NAALADL2: variants seen among roughly 807,000 people sequenced by gnomAD.
NAALADL2 encodes inactive N-acetylated-alpha-linked acidic dipeptidase-like protein 2.
Under a neutral mutation model 87.2 loss-of-function variants are expected in NAALADL2, and 76 were observed. That is an observed-to-expected ratio of 0.87 (90% confidence interval 0.72 to 1.05). NAALADL2 has a LOEUF of 1.05. NAALADL2 is among the 50% of genes least tolerant of loss of function. The probability of loss-of-function intolerance (pLI) is 0.00; values close to 1 mark genes in which losing one functional copy is unlikely to be tolerated. For missense variants in NAALADL2, 1,089 were observed against 945.8 expected (o/e 1.15, Z -1.99); for synonymous variants, 354 against 331.0 (o/e 1.07, Z -0.75).
intron 2 of NAALADL2, chr3:175,218,066 A>G (rs936784888): frequency 7.1e-6 from 3 of 422,402 alleles, no homozygotes; most frequent in Non-Finnish European, 1.4e-5. Context: ...TTTTTTGGCT[A>G]AATTTTTAGG....
At chr3:174,876,877 AT>A (rs5854600) in intron 1 of NAALADL2, among the ~76,000 whole-genome samples, 2 of 152,116 alleles carry the variant, frequency 1.3e-5, no homozygotes, top group Non-Finnish European at 2.9e-5. Context: ...ATTTTCCACC[AT>A]TCTGGAAGCT....
intron 1 of NAALADL2, among the ~76,000 whole-genome samples, chr3:175,064,840 C>A (rs1714242665): frequency 1.3e-5 from 2 of 152,136 alleles, no homozygotes. Context: ...GTTTGTAAAA[C>A]TCCAACAAAA....
chr3:175,139,778 C>T (rs1034962159), intron 2 of NAALADL2, among the ~76,000 whole-genome samples: 1 of 152,086 alleles, frequency 6.6e-6, no homozygotes, highest in Non-Finnish European at 1.5e-5. Flanking sequence ...CAGTAAAAAG[C>T]ATTTCTTAAA....
chr3:174,677,160 C>T (rs371798655), intron 2 of NAALADL2, among the ~76,000 whole-genome samples: 4 of 151,984 alleles, frequency 2.6e-5, no homozygotes, highest in Admixed American at 2.6e-4. Context: ...CCAAGTTTGG[C>T]ATTTATAATT....
chr3:174,657,304 C>T (rs1725057681), intron 2 of NAALADL2, among the ~76,000 whole-genome samples: 1 of 151,940 alleles, frequency 6.6e-6, no homozygotes, highest in African/African-American at 2.4e-5. Flanking sequence ...CCTGAGGAAG[C>T]TGCCACTATG....
At chr3:174,654,060 TTGTGTG>T (rs137877260) in intron 2 of NAALADL2, among the ~76,000 whole-genome samples, 28,012 of 143,922 alleles carry the variant, frequency 0.19, 2,843 homozygotes, top group African/African-American at 0.29. Context: ...TAAGATGGCT[TTGTGTG>T]TGTGTGTGTG....
chr3:175,619,273 G>GGAAA (rs143830802), intron 10 of NAALADL2, among the ~76,000 whole-genome samples: 93,446 of 132,648 alleles, frequency 0.7, 31,189 homozygotes, highest in Admixed American at 0.78. Flanking sequence ...GGAAGGAGAA[G>GGAAA]GAAAGAAAGA....
chr3:174,911,576 A>G (rs1169448751), intron 1 of NAALADL2, among the ~76,000 whole-genome samples: 1 of 152,104 alleles, frequency 6.6e-6, no homozygotes, highest in East Asian at 1.9e-4. Flanking sequence ...AGGCAGAGCA[A>G]GACTTCTCCC....
Position 174,883,846 on chromosome 3 carries a change from A to G in NAALADL2, c.43+24396A>G, listed in dbSNP as rs189452336. Among the ~76,000 whole-genome samples, 4 of 152,058 alleles carry G rather than the reference A, an allele frequency of 2.6e-5. No homozygotes were observed. The East Asian group carries it at 7.7e-4, about 29-fold the overall frequency. ...GTCCTGTCTGGATTGGGCTGTTGTAATTTCCCATTGACCTTAAACATAGGG... is the reference window on the plus strand; with the variant it reads ...GTCCTGTCTGGATTGGGCTGTTGTAGTTTCCCATTGACCTTAAACATAGGG... On this transcript the variant is annotated intron_variant, in intron 1 of 13. Coordinates refer to ENST00000454872, the MANE Select transcript of NAALADL2 (RefSeq NM_207015.3).
At position 175,070,218 on chromosome 3, in the gene NAALADL2, TTAAA is replaced by T. The variant is rs542970244; in HGVS notation, c.44-26570_44-26567del. On this transcript the variant is annotated intron_variant, in intron 1 of 13. Transcript: ENST00000454872. Reference sequence around the variant, plus strand: ...AAAATAAAAATTACAATAAAAAATCTTAAATCTATCAGTTTTCAAAATATTGTCT... The same window carrying T: ...AAAATAAAAATTACAATAAAAAATCTTCTATCAGTTTTCAAAATATTGTCT... 9.5e-3 allele frequency among the ~76,000 whole-genome samples: 1,444 copies of T among 151,798 alleles called. 16 individuals are homozygous for T. Among genetic ancestry groups the T allele is most frequent in the Non-Finnish European group, 0.016 (1,086 of 67,876 alleles).
intron 2 of NAALADL2, among the ~76,000 whole-genome samples, chr3:175,142,610 T>C (rs1381350312): frequency 1.3e-5 from 2 of 151,936 alleles, no homozygotes; most frequent in Admixed American, 1.3e-4. Context: ...TACTGCACTT[T>C]TTTTTTTAAA....
chr3:175,676,450 G>A (rs763213143), intron 11 of NAALADL2: 7 of 152,162 alleles, frequency 4.6e-5, no homozygotes, highest in Non-Finnish European at 8.8e-5. Flanking sequence ...AGCTACTCTT[G>A]AGCTTGAATG....
At chr3:174,888,286 T>C (rs1644827835) in intron 1 of NAALADL2, among the ~76,000 whole-genome samples, 2 of 152,182 alleles carry the variant, frequency 1.3e-5, no homozygotes, top group Non-Finnish European at 2.9e-5. Context: ...CCTTACAAAT[T>C]TGAATTACAT....
intron 10 of NAALADL2, among the ~76,000 whole-genome samples, chr3:175,585,462 A>G (rs910331222): frequency 1.3e-5 from 2 of 152,224 alleles, no homozygotes; most frequent in Non-Finnish European, 2.9e-5. Flanking sequence ...AGCTTTGGCC[A>G]TTCTCAACGT....
intron 2 of NAALADL2, among the ~76,000 whole-genome samples, chr3:174,575,231 TTTATGAATAAC>T (rs1715392699): frequency 6.6e-6 from 1 of 152,142 alleles, no homozygotes. Context: ...AAGTAGTATT[TTTATGAATAAC>T]TTACTAATTT....
intron 11 of NAALADL2, among the ~76,000 whole-genome samples, chr3:175,710,448 TTAATC>T (rs1437465758): frequency 6.6e-6 from 1 of 151,970 alleles, no homozygotes; most frequent in African/African-American, 2.4e-5. Flanking sequence ...ATAGCGGTAT[TTAATC>T]TACTTATTTC....
At chr3:174,713,759 A>G (rs1242936682) in intron 2 of NAALADL2, among the ~76,000 whole-genome samples, 1 of 151,238 alleles carries the variant, frequency 6.6e-6, no homozygotes, top group African/African-American at 2.4e-5. Context: ...TTGCCTGTTC[A>G]CTCTGATGGT....
intron 5 of NAALADL2, among the ~76,000 whole-genome samples, chr3:175,410,630 C>T (rs755436377): frequency 1.3e-5 from 2 of 152,008 alleles, no homozygotes; most frequent in Non-Finnish European, 2.9e-5. Flanking sequence ...AATAATTTCA[C>T]AAAAATGTTG....
intron 5 of NAALADL2, among the ~76,000 whole-genome samples, chr3:175,391,001 G>T (rs1395759846): frequency 6.6e-6 from 1 of 152,120 alleles, no homozygotes; most frequent in African/African-American, 2.4e-5. Flanking sequence ...GCCTATTTCT[G>T]TCAGGGTGTG....
Sources: gnomAD v4.1 joint callset for allele counts (sites outside exome capture counted in the v4.1 genomes callset) on GRCh38, gnomAD v4.1.1 for gene constraint, MANE v1.5 for transcripts, NCBI Gene and HGNC (gene_info 2026-07-23, HGNC 2026-07-21) for gene names.